Variants in CDH12 observed in about 807,000 individuals in gnomAD.
CDH12 encodes cadherin-12.
A neutral mutation model predicts 74.1 loss-of-function variants in CDH12; 41 were observed. That is an observed-to-expected ratio of 0.55 (90% CI 0.43 to 0.72). CDH12 has a LOEUF of 0.72. CDH12 is among the 30% of genes least tolerant of loss of function. The pLI is 0.00. For synonymous variants in CDH12, 399 were observed against 355.0 expected, an observed-to-expected ratio of 1.12 and a Z score of -1.39; for missense variants, 945 against 977.2, an observed-to-expected ratio of 0.97 and a Z score of 0.44.
intron 3 of CDH12, chr5:22,277,922 A>C (rs1736713494): frequency 6.6e-6 from 1 of 152,500 alleles, no homozygotes; most frequent in South Asian, 2.1e-4. Context: ...TCCTGGACAT[A>C]AGTGAGCAGC....
chr5:22,054,638 C>T (rs1740612038), intron 5 of CDH12, among the ~76,000 whole-genome samples: 1 of 152,016 alleles, frequency 6.6e-6, no homozygotes, highest in Non-Finnish European at 1.5e-5. Flanking sequence ...TTTCTTTTAT[C>T]TATCTCATCT....
rs138508261 is a variant in CDH12 at position 21,929,613 on chromosome 5, C to T, written c.526+45478G>A. ...CTCACTGCAGCCTCAACCTCCCCAACCTCAGGTGATCCTCTCACCTCAGCC... is the reference window on the plus strand; with the variant it reads ...CTCACTGCAGCCTCAACCTCCCCAATCTCAGGTGATCCTCTCACCTCAGCC... On this transcript the variant is annotated intron_variant, in intron 6 of 14. Coordinates refer to ENST00000382254, the MANE Select transcript of CDH12 (RefSeq NM_004061.5). 8.2e-3 allele frequency among the ~76,000 whole-genome samples: 1,249 copies of T among 152,160 alleles called. 17 individuals are homozygous for T. Among genetic ancestry groups the T allele is most frequent in the African/African-American group, 0.028 (1,175 of 41,536 alleles).
chr5:21,898,758 C>T (rs989867918), intron 6 of CDH12, among the ~76,000 whole-genome samples: 1 of 151,486 alleles, frequency 6.6e-6, no homozygotes, highest in African/African-American at 2.4e-5. Flanking sequence ...TGAGAAGAGA[C>T]AATTGTAAAA....
At chr5:22,099,311 T>G (rs1743996109) in intron 4 of CDH12, among the ~76,000 whole-genome samples, 2 of 152,146 alleles carry the variant, frequency 1.3e-5, no homozygotes, top group South Asian at 4.1e-4. Context: ...CAGTGGAACC[T>G]TCATATCCCT....
chr5:22,393,959 C>T (rs1742351576), intron 3 of CDH12, among the ~76,000 whole-genome samples: 1 of 152,032 alleles, frequency 6.6e-6, no homozygotes, highest in Non-Finnish European at 1.5e-5. Flanking sequence ...AGAGTGCAGC[C>T]TGTTTTTTCT....
chr5:22,097,706 C>T (rs533733804), intron 4 of CDH12, among the ~76,000 whole-genome samples: 1 of 152,212 alleles, frequency 6.6e-6, no homozygotes, highest in Admixed American at 6.5e-5. Context: ...ACATCCTCCC[C>T]TTGTATCTCC....
At chr5:22,138,849 T>TATATATATATAC (rs1156750076) in intron 4 of CDH12, among the ~76,000 whole-genome samples, 1 of 118,498 alleles carries the variant, frequency 8.4e-6, no homozygotes, top group African/African-American at 3.5e-5. Flanking sequence ...ATACGTAATA[T>TATATATATATAC]ATATATATAT....
rs190104440 is a variant in CDH12, at chr5:22,373,838, C to T, written c.-333+31419G>A. 2.1e-3 allele frequency among the ~76,000 whole-genome samples: 313 copies of T among 152,254 alleles called. 1 individual carries two copies. In the Middle Eastern group the frequency reaches 0.031, roughly 15 times the overall value. The stretch of plus-strand genomic sequence containing the variant: ...AAAAGGTTGGAAGAAGTGACTATTA[C>T]AACAGATGTGCAGACATCAATGTAA... On this transcript the variant is annotated intron_variant, in intron 3 of 14. Coordinates refer to ENST00000382254, the MANE Select transcript of CDH12 (RefSeq NM_004061.5).
chr5:22,533,412 T>C (rs1011346114), intron 1 of CDH12, among the ~76,000 whole-genome samples: 7 of 152,210 alleles, frequency 4.6e-5, no homozygotes, highest in Non-Finnish European at 1.0e-4. Flanking sequence ...AAATTCTCTG[T>C]AGTTTTGAAG....
chr5:22,533,600 T>C (rs976369583), intron 1 of CDH12, among the ~76,000 whole-genome samples: 13 of 152,150 alleles, frequency 8.5e-5, no homozygotes, highest in Non-Finnish European at 1.8e-4. Context: ...AGAAACTTCA[T>C]ATTGACAAAC....
intron 4 of CDH12, among the ~76,000 whole-genome samples, chr5:22,149,493 T>C (rs1747428096): frequency 1.3e-5 from 2 of 152,044 alleles, no homozygotes; most frequent in Non-Finnish European, 1.5e-5. Flanking sequence ...TTTAAGAAAA[T>C]CTCCCAAATT....
At chr5:22,341,763 G>A (rs998034049) in intron 3 of CDH12, among the ~76,000 whole-genome samples, 2 of 151,982 alleles carry the variant, frequency 1.3e-5, no homozygotes, top group African/African-American at 2.4e-5. Flanking sequence ...TTAGGCAACC[G>A]TTAGGCAATC....
intron 6 of CDH12, among the ~76,000 whole-genome samples, chr5:21,950,761 T>TTATTATTAG (rs1561322744): frequency 2.5e-5 from 2 of 81,290 alleles, no homozygotes; most frequent in Non-Finnish European, 4.3e-5. Flanking sequence ...TTTTATTTTA[T>TTATTATTAG]TATTATTATT....
Position 22,405,272 on chromosome 5 carries a change from T to A in CDH12, c.-348A>T. The A allele has an allele frequency of 2.1e-6, 2 of 958,762 alleles. No homozygotes were observed. Among genetic ancestry groups the A allele is most frequent in the Non-Finnish European group, 2.5e-6 (2 of 805,578 alleles). 59.4% of individuals were successfully genotyped at this position (958,762 alleles called of 1,614,324 possible). A position where few individuals can be genotyped will look rare whatever the true frequency, so the allele number is the denominator to read the frequency against. On this transcript the variant is annotated 5_prime_UTR_variant, in exon 3 of 15. Coordinates refer to ENST00000382254, the MANE Select transcript of CDH12 (RefSeq NM_004061.5). ...ATTTACTTACAAGTTAGAGGCAATT[T>A]ATTTTCTAAGGCCAGCTTATGTATC...
chr5:21,872,945 T>C (rs920269631), intron 6 of CDH12, among the ~76,000 whole-genome samples: 1 of 125,050 alleles, frequency 8.0e-6, no homozygotes, highest in Non-Finnish European at 1.7e-5. Context: ...TTTATCTGCA[T>C]CTATCTCTCT....
chr5:22,415,853 CAAAA>C (rs1743360963), intron 2 of CDH12, among the ~76,000 whole-genome samples: 1 of 151,494 alleles, frequency 6.6e-6, no homozygotes, highest in African/African-American at 2.4e-5. Flanking sequence ...GTTGGCAATA[CAAAA>C]GAGTCTAGGA....
At chr5:22,246,987 T>C (rs1752968181) in intron 3 of CDH12, among the ~76,000 whole-genome samples, 1 of 152,222 alleles carries the variant, frequency 6.6e-6, no homozygotes, top group Non-Finnish European at 1.5e-5. Flanking sequence ...TTAAGCTCTA[T>C]AACTTCATAA....
intron 1 of CDH12, among the ~76,000 whole-genome samples, chr5:22,693,834 CTA>C (rs1405854102): frequency 6.6e-6 from 1 of 151,974 alleles, no homozygotes; most frequent in Non-Finnish European, 1.5e-5. Flanking sequence ...CATTTTTAGA[CTA>C]TGAATTTGAT....
chr5:22,444,005 G>A (rs1445867661), intron 2 of CDH12, among the ~76,000 whole-genome samples: 1 of 152,024 alleles, frequency 6.6e-6, no homozygotes, highest in Admixed American at 6.6e-5. Flanking sequence ...ATGTAGAAGA[G>A]CAACAATAGG....
Sources: allele counts gnomAD v4.1 joint callset (sites outside exome capture counted in the v4.1 genomes callset), GRCh38; gene constraint gnomAD v4.1.1; transcripts MANE v1.5; gene names NCBI Gene and HGNC (gene_info 2026-07-23, HGNC 2026-07-21).